CYBRD1: variants seen among roughly 807,000 people sequenced by gnomAD.
CYBRD1 encodes cytochrome b reductase 1.
In CYBRD1, 14 loss-of-function variants were observed where a neutral mutation model predicts 21.9. The observed-to-expected ratio is 0.64, with a 90% CI of 0.42 to 1.00. CYBRD1 has a LOEUF of 1.00. Ranked by LOEUF, CYBRD1 falls within the 50% of genes least tolerant of loss-of-function variation. The pLI is 0.00. For missense variants in CYBRD1, 328 were observed against 352.5 expected, an observed-to-expected ratio of 0.93 and a Z score of 0.56; for synonymous variants, 146 against 136.5, an observed-to-expected ratio of 1.07 and a Z score of -0.48.
intron 2 of CYBRD1, among the ~76,000 whole-genome samples, chr2:171,542,971 A>G (rs1697657568): frequency 6.6e-6 from 1 of 152,222 alleles, no homozygotes; most frequent in African/African-American, 2.4e-5. Context: ...TATTTTTTGG[A>G]AAGAAAACTT....
At chr2:171,536,241 C>T (rs971516509) in intron 1 of CYBRD1, among the ~76,000 whole-genome samples, 2 of 148,430 alleles carry the variant, frequency 1.3e-5, no homozygotes, top group South Asian at 2.1e-4. Flanking sequence ...CGGGTTCAAG[C>T]GATTCTCTTG....
Position 171,554,911 on chromosome 2 carries a change from T to C in CYBRD1, c.*84T>C, listed in dbSNP as rs1232898718. 7.3e-7 allele frequency: 1 copy of C among 1,369,370 alleles called. No homozygotes were observed. The highest frequency in any genetic ancestry group is 1.0e-6 in the Non-Finnish European group (1 of 970,098). The allele number at this position is 1,369,370 out of a possible 1,614,324, so 84.8% of individuals were successfully genotyped here. On this transcript the variant is annotated 3_prime_UTR_variant, in exon 4 of 4. Transcript: ENST00000321348. ...CTTCTCCTATTAGCCATATGATAAT[T>C]GGGCTATGTAGTATCAATATTTACT...
Position 171,522,942 on chromosome 2 carries a change from A to G in CYBRD1, c.193+204A>G. 2.5e-6 allele frequency: 2 copies of G among 785,218 alleles called. No homozygotes were observed. Among genetic ancestry groups the G allele is most frequent in the Non-Finnish European group, 3.9e-6 (2 of 518,424 alleles). The allele number at this position is 785,218 out of a possible 1,614,324, so 48.6% of individuals were successfully genotyped here. On this transcript the variant is annotated intron_variant, in intron 1 of 3. Transcript: ENST00000321348. The surrounding 1 kb of genome is among the most constrained non-coding windows in gnomAD (Gnocchi z 4.3). ...CTGGGGCGGGACAGAGCTGCGGTTC[A>G]GGAGGATCGCCGCGAGCGCGGGGCC...
At chr2:171,523,456 A>T in intron 1 of CYBRD1, 1 of 197,104 alleles carries the variant, frequency 5.1e-6, no homozygotes. Context: ...GACGGTCTTG[A>T]GCCCGACTTG....
rs779443254 is a variant in CYBRD1 at position 171,557,068 on chromosome 2, G to A, written c.*2241G>A. ...CTCAGCCCTTTATTTTATCTTTCAT[G>A]TGGGCTAATGTGAGGATAATCTTAC... On this transcript the variant is annotated 3_prime_UTR_variant, in exon 4 of 4. Coordinates refer to ENST00000321348, the MANE Select transcript of CYBRD1 (RefSeq NM_024843.4). 1 of 152,570 alleles carries A rather than the reference G, an allele frequency of 6.6e-6. No homozygotes were observed. The highest frequency in any genetic ancestry group is 1.5e-5 in the Non-Finnish European group (1 of 68,022). The allele number at this position is 152,570 out of a possible 1,614,324, so 9.5% of individuals were successfully genotyped here.
intron 2 of CYBRD1, among the ~76,000 whole-genome samples, chr2:171,547,352 T>G (rs1463769430): frequency 6.6e-6 from 1 of 151,544 alleles, no homozygotes; most frequent in Non-Finnish European, 1.5e-5. Context: ...GGTAACTCAG[T>G]CAAGAGGTTT....
rs1373140641 is a variant in CYBRD1 at position 171,553,450 on chromosome 2, A to G, written c.507A>G (p.Thr169=). The G allele has an allele frequency of 1.2e-6, 2 of 1,613,570 alleles. No homozygotes were observed. The highest frequency in any genetic ancestry group is 1.7e-6 in the Non-Finnish European group (2 of 1,179,746). ...HVYSGIVIFG[T]VIATALMGLT... ...ATTCTGGAATTGTCATCTTTGGAAC[A>G]GTGATTGCAACAGCACTTATGGGAT... The change falls in exon 3 of 4, where the codon ACA becomes ACG. Residue 169 remains threonine, a synonymous_variant. Transcript: ENST00000321348.
In CYBRD1 at chr2:171,555,734, G is replaced by C. The variant is rs574610291; in HGVS notation, c.*907G>C. 1 of 152,302 alleles carries C rather than the reference G, an allele frequency of 6.6e-6. No homozygotes were observed. Among genetic ancestry groups the C allele is most frequent in the South Asian group, 2.1e-4 (1 of 4,826 alleles). The allele number at this position is 152,302 out of a possible 1,614,324, so 9.4% of individuals were successfully genotyped here. On this transcript the variant is annotated 3_prime_UTR_variant, in exon 4 of 4. Coordinates refer to ENST00000321348, the MANE Select transcript of CYBRD1 (RefSeq NM_024843.4). ...TATTAGCTCATTCAGTCCCCAGACA[G>C]ACGGGATGAAGTAGGTATTGTTACT...
chr2:171,528,570 C>CT (rs1697418059), intron 1 of CYBRD1, among the ~76,000 whole-genome samples: 3 of 152,036 alleles, frequency 2.0e-5, no homozygotes, highest in Admixed American at 6.5e-5. Flanking sequence ...CTGACCACTT[C>CT]TTTTTTTCTA....
chr2:171,526,927 G>C (rs1697394108), intron 1 of CYBRD1, among the ~76,000 whole-genome samples: 1 of 152,192 alleles, frequency 6.6e-6, no homozygotes, highest in Non-Finnish European at 1.5e-5. Flanking sequence ...GATTTCGTGA[G>C]ATAATATAAC....
intron 1 of CYBRD1, among the ~76,000 whole-genome samples, chr2:171,534,715 T>C (rs1037036776): frequency 1.1e-4 from 17 of 152,282 alleles, no homozygotes; most frequent in Non-Finnish European, 2.2e-4. Flanking sequence ...GAGCCACCTA[T>C]TGAGTAGGTA....
chr2:171,527,952 A>C (rs990716961), intron 1 of CYBRD1, among the ~76,000 whole-genome samples: 1 of 152,062 alleles, frequency 6.6e-6, no homozygotes, highest in African/African-American at 2.4e-5. Context: ...TGCTCCACCA[A>C]AATTGTGCTT....
At chr2:171,545,202 G>A (rs1172544275) in intron 2 of CYBRD1, among the ~76,000 whole-genome samples, 2 of 151,248 alleles carry the variant, frequency 1.3e-5, no homozygotes, top group East Asian at 3.9e-4. Context: ...CCTGCCAAAG[G>A]CTAAAAAAGA....
chr2:171,524,913 C>A (rs1029674064), intron 1 of CYBRD1, among the ~76,000 whole-genome samples: 1 of 152,178 alleles, frequency 6.6e-6, no homozygotes, highest in African/African-American at 2.4e-5. Context: ...CAATTTTCAT[C>A]TGCTGCTCTT....
At chr2:171,548,645 T>TAAAAAAA (rs57266656) in intron 2 of CYBRD1, among the ~76,000 whole-genome samples, 32 of 89,958 alleles carry the variant, frequency 3.6e-4, no homozygotes, top group African/African-American at 1.3e-3. Flanking sequence ...ACCTGTACCC[T>TAAAAAAA]AAAAAAAAAA....
intron 2 of CYBRD1, among the ~76,000 whole-genome samples, chr2:171,542,605 T>C (rs908856973): frequency 2.0e-5 from 3 of 152,216 alleles, no homozygotes; most frequent in African/African-American, 7.2e-5. Flanking sequence ...CTGGGCATAG[T>C]GCACTGCTCA....
In CYBRD1 at chr2:171,522,698, A is replaced by G; in HGVS notation, c.153A>G (p.Pro51=). 1 of 1,613,434 alleles carries G rather than the reference A, an allele frequency of 6.2e-7. No homozygotes were observed. Among genetic ancestry groups the G allele is most frequent in the Non-Finnish European group, 8.5e-7 (1 of 1,179,904 alleles). ...DGSALEFNWH[P]VLMVTGFVFI... is the part of the protein sequence containing the mutation. Reference sequence around the variant, plus strand: ...GCGCACTAGAGTTTAACTGGCACCCAGTGCTCATGGTCACCGGCTTCGTCT... The same window carrying G: ...GCGCACTAGAGTTTAACTGGCACCCGGTGCTCATGGTCACCGGCTTCGTCT... Residue 51 remains proline (P), a synonymous_variant, in exon 1 of 4, where the codon CCA becomes CCG. Transcript: ENST00000321348. The surrounding 1 kb of genome is among the most constrained non-coding windows in gnomAD (Gnocchi z 4.3).
At chr2:171,537,880 T>C (rs1697568341) in intron 1 of CYBRD1, among the ~76,000 whole-genome samples, 1 of 152,176 alleles carries the variant, frequency 6.6e-6, no homozygotes, top group African/African-American at 2.4e-5. Flanking sequence ...GAAAAGAGTT[T>C]GAGGTGATAA....
In CYBRD1 at chr2:171,557,360, G is replaced by A. The variant is rs199756337; in HGVS notation, c.*2533G>A. 6.6e-6 allele frequency: 1 copy of A among 152,130 alleles called. No homozygotes were observed. The highest frequency in any genetic ancestry group is 2.4e-5 in the African/African-American group (1 of 41,424). 9.4% of individuals were successfully genotyped at this position (152,130 alleles called of 1,614,324 possible). ...ATTTCCCAAAATAATTATGGCTTCTGTCATCTCCAGAGATAATCTGGCTTG... is the reference window on the plus strand; with the variant it reads ...ATTTCCCAAAATAATTATGGCTTCTATCATCTCCAGAGATAATCTGGCTTG... On this transcript the variant is annotated 3_prime_UTR_variant, in exon 4 of 4. Coordinates refer to ENST00000321348, the MANE Select transcript of CYBRD1 (RefSeq NM_024843.4).
Sources: gnomAD v4.1 joint callset for allele counts (sites outside exome capture counted in the v4.1 genomes callset) on GRCh38, gnomAD v4.1.1 for gene constraint, Gnocchi (gnomAD v3.1) non-coding constraint, MANE v1.5 for transcripts, NCBI Gene and HGNC (gene_info 2026-07-23, HGNC 2026-07-21) for gene names.